Variants in FHIT observed in about 807,000 individuals in gnomAD.
The protein encoded by FHIT is bis(5'-adenosyl)-triphosphatase.
Under a neutral mutation model 17.9 loss-of-function variants are expected in FHIT, and 19 were observed. That is an observed-to-expected ratio of 1.06 (90% confidence interval 0.74 to 1.56). The LOEUF is 1.56. Among genes scored for constraint, FHIT ranks in the 40% most tolerant of loss-of-function variants. The pLI is 0.00. For synonymous variants in FHIT, 81 were observed against 69.7 expected, an observed-to-expected ratio of 1.16 and a Z score of -0.81; for missense variants, 248 against 189.2, an observed-to-expected ratio of 1.31 and a Z score of -1.82.
At chr3:60,345,451 C>G (rs1425522948) in intron 5 of FHIT, among the ~76,000 whole-genome samples, 2 of 152,180 alleles carry the variant, frequency 1.3e-5, no homozygotes, top group Non-Finnish European at 2.9e-5. Context: ...AGGAGGAGAA[C>G]TAAGTATTCA....
intron 4 of FHIT, among the ~76,000 whole-genome samples, chr3:60,709,359 G>A (rs782652409): frequency 1.3e-5 from 2 of 152,186 alleles, no homozygotes; most frequent in Admixed American, 1.3e-4. Flanking sequence ...TAGGGTTGAA[G>A]TGTGCCAAGA....
chr3:60,453,861 T>G (rs745716747), intron 5 of FHIT, among the ~76,000 whole-genome samples: 24 of 152,122 alleles, frequency 1.6e-4, no homozygotes, highest in African/African-American at 5.8e-4. Context: ...ATAAGAACAC[T>G]GAGGAAAAGC....
At chr3:60,559,264 C>T (rs909613112) in intron 4 of FHIT, among the ~76,000 whole-genome samples, 5 of 152,034 alleles carry the variant, frequency 3.3e-5, no homozygotes, top group African/African-American at 1.2e-4. Context: ...TTAAAATTTC[C>T]CTAGAGGCAT....
At chr3:60,670,082 T>C (rs1251214710) in intron 4 of FHIT, among the ~76,000 whole-genome samples, 1 of 152,224 alleles carries the variant, frequency 6.6e-6, no homozygotes, top group Non-Finnish European at 1.5e-5. Flanking sequence ...AAACGATCTT[T>C]CTCTTTGTCT....
intron 2 of FHIT, among the ~76,000 whole-genome samples, chr3:61,112,524 T>C (rs2036190070): frequency 6.6e-6 from 1 of 152,154 alleles, no homozygotes; most frequent in Non-Finnish European, 1.5e-5. Context: ...AAATGTCTTT[T>C]CAATATTTTC....
chr3:60,633,304 A>C (rs1476774942), intron 4 of FHIT, among the ~76,000 whole-genome samples: 2 of 152,186 alleles, frequency 1.3e-5, no homozygotes, highest in Admixed American at 6.5e-5. Context: ...TAACCCCCAG[A>C]TTTCCTACCT....
At chr3:60,015,658 G>A (rs1321752474) in intron 5 of FHIT, among the ~76,000 whole-genome samples, 2 of 152,088 alleles carry the variant, frequency 1.3e-5, no homozygotes, top group African/African-American at 4.8e-5. Context: ...CCAAACCACA[G>A]CAAGGGTGAC....
chr3:60,284,356 C>A (rs1012879693), intron 5 of FHIT, among the ~76,000 whole-genome samples: 1 of 152,084 alleles, frequency 6.6e-6, no homozygotes, highest in Non-Finnish European at 1.5e-5. Flanking sequence ...AAAATATCCT[C>A]ACTGAACACA....
intron 4 of FHIT, among the ~76,000 whole-genome samples, chr3:60,743,869 G>A (rs529899622): frequency 3.9e-5 from 6 of 152,312 alleles, no homozygotes; most frequent in Non-Finnish European, 8.8e-5. Flanking sequence ...TCTCAGCTCA[G>A]CTCGCTCTGT....
chr3:60,967,416 A>G (rs1030161626), intron 3 of FHIT, among the ~76,000 whole-genome samples: 2 of 152,260 alleles, frequency 1.3e-5, no homozygotes, highest in Non-Finnish European at 2.9e-5. Flanking sequence ...CAAATTTGAC[A>G]GGAAGGATTA....
At chr3:60,345,697 A>T (rs1284333634) in intron 5 of FHIT, among the ~76,000 whole-genome samples, 1 of 152,200 alleles carries the variant, frequency 6.6e-6, no homozygotes, top group Non-Finnish European at 1.5e-5. Context: ...TTTAATAGGA[A>T]CACAGTGCTA....
At chr3:60,883,955 A>G (rs781829330) in intron 3 of FHIT, among the ~76,000 whole-genome samples, 1 of 152,210 alleles carries the variant, frequency 6.6e-6, no homozygotes, top group Non-Finnish European at 1.5e-5. Flanking sequence ...ATATTTGCAA[A>G]CTATCCATTT....
intron 5 of FHIT, among the ~76,000 whole-genome samples, chr3:60,332,604 G>C (rs750692606): frequency 2.1e-4 from 32 of 152,078 alleles, no homozygotes; most frequent in Non-Finnish European, 4.3e-4. Context: ...TGGAACCTGT[G>C]GGAACCTCCA....
intron 3 of FHIT, among the ~76,000 whole-genome samples, chr3:60,911,045 C>T (rs1706715299): frequency 6.6e-6 from 1 of 152,036 alleles, no homozygotes; most frequent in Non-Finnish European, 1.5e-5. Flanking sequence ...AAATGAGAAC[C>T]AATGCTGTTT....
chr3:59,799,666 C>T (rs13066408), intron 8 of FHIT, among the ~76,000 whole-genome samples: 80,491 of 151,784 alleles, frequency 0.53, 24,339 homozygotes, highest in Middle Eastern at 0.68. Context: ...AGAGAAGAGA[C>T]CCTTTCTTCC....
At chr3:60,936,455 C>T (rs1041638276) in intron 3 of FHIT, among the ~76,000 whole-genome samples, 3 of 152,088 alleles carry the variant, frequency 2.0e-5, no homozygotes, top group Non-Finnish European at 1.5e-5. Context: ...TGTGAAATGA[C>T]GAATACATTA....
chr3:61,243,960 C>CT (rs1479713170), intron 1 of FHIT: 2 of 152,164 alleles, frequency 1.3e-5, no homozygotes, highest in Non-Finnish European at 2.9e-5. Context: ...CAAAATGCTA[C>CT]TTTCTAGATA....
At chr3:60,818,376 G>T (rs1701809291) in intron 4 of FHIT, among the ~76,000 whole-genome samples, 2 of 152,178 alleles carry the variant, frequency 1.3e-5, no homozygotes, top group Non-Finnish European at 1.5e-5. Flanking sequence ...TTTCTGAAGG[G>T]TATTGATTTA....
chr3:59,989,741 C>G (rs1356407743), intron 7 of FHIT, among the ~76,000 whole-genome samples: 1 of 151,982 alleles, frequency 6.6e-6, no homozygotes, highest in Non-Finnish European at 1.5e-5. Flanking sequence ...TCCCCATCAC[C>G]CTGACCTCCC....
Sources: gnomAD v4.1 joint callset for allele counts (sites outside exome capture counted in the v4.1 genomes callset) on GRCh38, gnomAD v4.1.1 for gene constraint, MANE v1.5 for transcripts, NCBI Gene and HGNC (gene_info 2026-07-23, HGNC 2026-07-21) for gene names.